The following ROBO1 variants were observed in gnomAD, a reference collection of about 807,000 sequenced individuals.
The protein encoded by ROBO1 is roundabout homolog 1.
A neutral mutation model predicts 195.9 loss-of-function variants in ROBO1; 149 were observed. That is an observed-to-expected ratio of 0.76 (90% confidence interval 0.67 to 0.87). The LOEUF (loss-of-function observed/expected upper bound fraction) is 0.87. ROBO1 is among the 40% of genes least tolerant of loss of function. ROBO1 has a pLI of 0.00. For synonymous variants in ROBO1, 816 were observed against 733.2 expected, an observed-to-expected ratio of 1.11 and a Z score of -1.82; for missense variants, 1,933 against 2,068.3, an observed-to-expected ratio of 0.93 and a Z score of 1.27.
At chr3:78,801,489 A>G (rs1372184408) in intron 4 of ROBO1, among the ~76,000 whole-genome samples, 2 of 152,108 alleles carry the variant, frequency 1.3e-5, no homozygotes, top group Non-Finnish European at 2.9e-5. Flanking sequence ...TTACACTTCT[A>G]TCCTAATTCT....
intron 1 of ROBO1, among the ~76,000 whole-genome samples, chr3:79,714,873 A>T (rs564387582): frequency 6.8e-6 from 1 of 147,920 alleles, no homozygotes; most frequent in African/African-American, 2.5e-5. Context: ...GGGGAGGGAT[A>T]GCATTAGGAG....
At chr3:79,007,344 C>T (rs548270805) in intron 3 of ROBO1, among the ~76,000 whole-genome samples, 3 of 152,110 alleles carry the variant, frequency 2.0e-5, no homozygotes, top group Non-Finnish European at 4.4e-5. Flanking sequence ...AAATAATTCC[C>T]GACACAGAAA....
intron 3 of ROBO1, among the ~76,000 whole-genome samples, chr3:78,951,593 T>C (rs1054773080): frequency 6.6e-6 from 1 of 152,266 alleles, no homozygotes; most frequent in Middle Eastern, 3.4e-3. Context: ...TCTCTGACAC[T>C]GTCAACTGCC....
intron 4 of ROBO1, among the ~76,000 whole-genome samples, chr3:78,800,780 G>T (rs919341691): frequency 7.2e-5 from 11 of 152,070 alleles, no homozygotes; most frequent in Non-Finnish European, 1.5e-4. Flanking sequence ...TAGCCAGGCT[G>T]GTCTTGAACT....
intron 2 of ROBO1, among the ~76,000 whole-genome samples, chr3:79,267,138 T>C (rs2030039769): frequency 6.6e-6 from 1 of 151,536 alleles, no homozygotes; most frequent in South Asian, 2.1e-4. Context: ...ACAAGACATA[T>C]TTCAAGAGCT....
intron 2 of ROBO1, among the ~76,000 whole-genome samples, chr3:79,493,572 T>C (rs1013527958): frequency 6.6e-6 from 1 of 152,058 alleles, no homozygotes; most frequent in Admixed American, 6.5e-5. Flanking sequence ...GTTAGTTAGG[T>C]GTTCATTTTT....
At chr3:78,656,404 G>A (rs1489381954) in intron 18 of ROBO1, among the ~76,000 whole-genome samples, 1 of 141,160 alleles carries the variant, frequency 7.1e-6, no homozygotes, top group Non-Finnish European at 1.5e-5. Flanking sequence ...AGGCTGGAGT[G>A]CAGTGGTGTA....
In ROBO1 at chr3:78,617,972, T is replaced by C; in HGVS notation, c.3945A>G (p.Ser1315=). The part of the protein sequence containing the change: ...ISPPHTYGYI[S]GPLVSDMDTD... ...TATCCATATCTGAGACCAGGGGTCC[T>C]GAAATGTAGCCATAGGTATGTGGAG... Residue 1315 remains serine (S), a synonymous_variant, in exon 27 of 31, where the codon TCA becomes TCG. Coordinates refer to ENST00000464233, the MANE Select transcript of ROBO1 (RefSeq NM_002941.4). 1 of 1,613,992 alleles carries C rather than the reference T, an allele frequency of 6.2e-7. No individual in the cohort carries two copies. The highest frequency in any genetic ancestry group is 1.7e-5 in the Admixed American group (1 of 60,020).
At chr3:79,498,034 A>G (rs963954756) in intron 2 of ROBO1, among the ~76,000 whole-genome samples, 5 of 152,136 alleles carry the variant, frequency 3.3e-5, no homozygotes, top group Non-Finnish European at 7.4e-5. Flanking sequence ...GATTGTATGA[A>G]ACTATCATCG....
intron 1 of ROBO1, among the ~76,000 whole-genome samples, chr3:79,745,518 A>G (rs1336829594): frequency 6.6e-6 from 1 of 152,200 alleles, no homozygotes; most frequent in African/African-American, 2.4e-5. Flanking sequence ...GCGATATGTC[A>G]TAAGGAATGT....
At chr3:79,540,939 C>G (rs560841710) in intron 2 of ROBO1, among the ~76,000 whole-genome samples, 1 of 152,080 alleles carries the variant, frequency 6.6e-6, no homozygotes, top group South Asian at 2.1e-4. Flanking sequence ...TTGCATTTTG[C>G]AAAATAATGC....
At chr3:79,510,486 C>G (rs1008440095) in intron 2 of ROBO1, among the ~76,000 whole-genome samples, 8 of 151,966 alleles carry the variant, frequency 5.3e-5, no homozygotes, top group Non-Finnish European at 1.0e-4. Flanking sequence ...GTAATATATA[C>G]ACATCCTTGC....
chr3:79,338,595 C>G (rs937425348), intron 2 of ROBO1, among the ~76,000 whole-genome samples: 1 of 152,124 alleles, frequency 6.6e-6, no homozygotes, highest in African/African-American at 2.4e-5. Flanking sequence ...CCATCCCTCC[C>G]TTTGATGTAT....
At chr3:79,698,919 C>T (rs974264702) in intron 1 of ROBO1, among the ~76,000 whole-genome samples, 5 of 151,146 alleles carry the variant, frequency 3.3e-5, no homozygotes, top group African/African-American at 1.2e-4. Flanking sequence ...TTTTTTTTGA[C>T]CTCTCTAAAC....
At chr3:79,114,746 T>C (rs1203377643) in intron 3 of ROBO1, among the ~76,000 whole-genome samples, 2 of 152,218 alleles carry the variant, frequency 1.3e-5, no homozygotes, top group African/African-American at 2.4e-5. Context: ...TTTTTCATTA[T>C]ATACATTGTG....
chr3:79,098,751 A>G (rs1559657516), intron 3 of ROBO1, among the ~76,000 whole-genome samples: 1 of 151,918 alleles, frequency 6.6e-6, no homozygotes, highest in Non-Finnish European at 1.5e-5. Flanking sequence ...TTAGAAGGCC[A>G]TAGAAGAGGC....
At chr3:79,204,682 A>G (rs1255613845) in intron 2 of ROBO1, among the ~76,000 whole-genome samples, 1 of 152,080 alleles carries the variant, frequency 6.6e-6, no homozygotes, top group Admixed American at 6.6e-5. Flanking sequence ...CCCATTTCCT[A>G]TGACTCCTTC....
chr3:78,768,313 C>T lies in ROBO1; in HGVS notation c.500-21413G>A, dbSNP rs1414215726. On this transcript the variant is annotated intron_variant, in intron 4 of 30. Coordinates refer to ENST00000464233, the MANE Select transcript of ROBO1 (RefSeq NM_002941.4). ...TCTGAGAGACTGCTTGATATAATTT[C>T]AATTTTCTTAAATTTTTTTTTTTAC... Among the ~76,000 whole-genome samples the T allele has an allele frequency of 2.7e-5, 4 of 149,194 alleles. No individual in the cohort carries two copies. In the East Asian group the frequency reaches 8.3e-4, roughly 31 times the overall value.
chr3:79,477,690 T>G (rs1417504975), intron 2 of ROBO1, among the ~76,000 whole-genome samples: 1 of 152,194 alleles, frequency 6.6e-6, no homozygotes, highest in Non-Finnish European at 1.5e-5. Context: ...TCATTTTGAA[T>G]TTGAGATTTC....
Sources: allele counts gnomAD v4.1 joint callset (sites outside exome capture counted in the v4.1 genomes callset), GRCh38; gene constraint gnomAD v4.1.1; transcripts MANE v1.5; gene names NCBI Gene and HGNC (gene_info 2026-07-23, HGNC 2026-07-21).